PKD2L1: variants seen among roughly 807,000 people sequenced by gnomAD.
The protein encoded by PKD2L1 is polycystin-2-like protein 1.
Under a neutral mutation model 93.0 loss-of-function variants are expected in PKD2L1, and 77 were observed. The ratio of observed to expected loss-of-function variants is 0.83; its 90% CI spans 0.69 to 1.00. The LOEUF is 1.00. Ranked by LOEUF, PKD2L1 falls within the 50% of genes least tolerant of loss-of-function variation. PKD2L1 has a pLI of 0.00. For missense variants in PKD2L1, 977 were observed against 990.9 expected (o/e 0.99, Z 0.19); for synonymous variants, 390 against 388.0 (o/e 1.01, Z -0.06).
chr10:100,326,024 G>C (rs749058476), intron 2 of PKD2L1, among the ~76,000 whole-genome samples: 3 of 152,136 alleles, frequency 2.0e-5, no homozygotes, highest in Non-Finnish European at 2.9e-5. Flanking sequence ...CCACCAGATT[G>C]ACTCAGTGGC....
rs938209024 is a variant in PKD2L1, at chr10:100,329,146, A to G, written c.349+65T>C. ...ACAGATGTTGCCCACAGGAATGTTT[A>G]TACATATAGTGCACACATAGATGTT... On this transcript the variant is annotated intron_variant, in intron 2 of 15. Coordinates refer to ENST00000318222, the MANE Select transcript of PKD2L1 (RefSeq NM_016112.3). The G allele has an allele frequency of 6.7e-6, 10 of 1,499,748 alleles. No homozygotes were observed. In the Admixed American group the frequency reaches 6.8e-5, roughly 10 times the overall value. The allele number at this position is 1,499,748 out of a possible 1,614,324, so 92.9% of individuals were successfully genotyped here. A position where few individuals can be genotyped will look rare whatever the true frequency, so the allele number is the denominator to read the frequency against.
chr10:100,289,985 A>G (rs749228856), intron 14 of PKD2L1, 30 bp downstream of exon 14: 5 of 1,613,644 alleles, frequency 3.1e-6, no homozygotes, highest in East Asian at 4.5e-5. Context: ...GCTGTGAGGA[A>G]CTAGGAGGAC....
At chr10:100,298,463 A>T in intron 4 of PKD2L1, 99 bp downstream of exon 4, 1 of 1,232,146 alleles carries the variant, frequency 8.1e-7, no homozygotes, top group Non-Finnish European at 1.1e-6. Flanking sequence ...AAGAGCTCTG[A>T]GGCTCTTTAA....
At chr10:100,305,198 G>A (rs978608675) in intron 2 of PKD2L1, among the ~76,000 whole-genome samples, 16 of 149,622 alleles carry the variant, frequency 1.1e-4, no homozygotes, top group Non-Finnish European at 1.2e-4. Flanking sequence ...TGCAACCTCT[G>A]CCTCCCGGGT....
intron 9 of PKD2L1, among the ~76,000 whole-genome samples, chr10:100,294,235 C>A (rs11190458): frequency 0.11 from 17,036 of 152,068 alleles, 2,969 homozygotes; most frequent in African/African-American, 0.37. Flanking sequence ...CGGTCGTAGA[C>A]GCTTCCAGGT....
intron 2 of PKD2L1, among the ~76,000 whole-genome samples, chr10:100,320,349 G>A (rs1157437017): frequency 6.6e-6 from 1 of 152,192 alleles, no homozygotes; most frequent in African/African-American, 2.4e-5. Context: ...ATTCCAAATA[G>A]TCTTGGATTA....
chr10:100,321,699 GAA>G (rs1849237641), intron 2 of PKD2L1, among the ~76,000 whole-genome samples: 2 of 3,238 alleles, frequency 6.2e-4, no homozygotes, highest in African/African-American at 2.0e-3. Flanking sequence ...AAGAAAGAAA[GAA>G]AGAAAGAAAG....
chr10:100,297,362 A>G lies in PKD2L1; in HGVS notation c.956+20T>C. The G allele has an allele frequency of 6.3e-7, 1 of 1,599,714 alleles. No individual in the cohort carries two copies. The highest frequency in any genetic ancestry group is 8.6e-7 in the Non-Finnish European group (1 of 1,166,988). On this transcript the variant is annotated intron_variant, in intron 5 of 15. Transcript: ENST00000318222. ...CCAGGAGCCATGGACAGGGTGATAA[A>G]GTAGGGAAAGGGGGCTCACCTCAGG...
intron 2 of PKD2L1, among the ~76,000 whole-genome samples, chr10:100,328,432 C>A (rs535709339): frequency 6.6e-6 from 1 of 152,316 alleles, no homozygotes; most frequent in East Asian, 1.9e-4. Flanking sequence ...CCTCTCTTAA[C>A]AGGGATCTGA....
At chr10:100,296,034 CAAAAA>C in intron 7 of PKD2L1, 83 bp downstream of exon 7, 3 of 979,210 alleles carry the variant, frequency 3.1e-6, no homozygotes, top group Non-Finnish European at 2.8e-6. Context: ...GACTCCATCT[CAAAAA>C]AAAAAAAAAG....
intron 2 of PKD2L1, among the ~76,000 whole-genome samples, chr10:100,319,965 G>A (rs1427406767): frequency 6.6e-6 from 1 of 152,226 alleles, no homozygotes; most frequent in Non-Finnish European, 1.5e-5. Context: ...ACAAAGGGCT[G>A]GAAGCCCTTT....
chr10:100,288,281 C>T lies in PKD2L1; in HGVS notation c.*115G>A. ...GTTCATTTCCTTGCCTGATTCCCTT[C>T]AGGCTCCATTTTTATCTCCTGGTTA... On this transcript the variant is annotated 3_prime_UTR_variant, in exon 16 of 16. Coordinates refer to ENST00000318222, the MANE Select transcript of PKD2L1 (RefSeq NM_016112.3). 1 of 707,534 alleles carries T rather than the reference C, an allele frequency of 1.4e-6. No individual in the cohort carries two copies. The highest frequency in any genetic ancestry group is 2.6e-6 in the Non-Finnish European group (1 of 390,412). 43.8% of individuals were successfully genotyped at this position (707,534 alleles called of 1,614,324 possible).
chr10:100,295,148 G>C (rs1328864484), intron 7 of PKD2L1, 25 bp from the exon 8 acceptor site: 1 of 1,596,160 alleles, frequency 6.3e-7, no homozygotes, highest in African/African-American at 1.3e-5. Context: ...TTGAACCAAG[G>C]GATGAAGAAG....
At chr10:100,317,893 C>A (rs942419189) in intron 2 of PKD2L1, among the ~76,000 whole-genome samples, 1 of 152,096 alleles carries the variant, frequency 6.6e-6, no homozygotes, top group Non-Finnish European at 1.5e-5. Flanking sequence ...GCCTGGCCAA[C>A]ATGGCGAAAT....
chr10:100,294,782 A>T lies in PKD2L1; in HGVS notation c.1539-127T>A, dbSNP rs1162210435. On this transcript the variant is annotated intron_variant, in intron 8 of 15. Transcript: ENST00000318222. ...GATAGACACAGGGCAGGGTGCTTAG[A>T]TTATTTAAGCACACACACCAGGGCT... 3.5e-6 allele frequency: 5 copies of T among 1,418,620 alleles called. No individual in the cohort carries two copies. In the East Asian group the frequency reaches 1.1e-4, roughly 32 times the overall value. 87.9% of individuals were successfully genotyped at this position (1,418,620 alleles called of 1,614,324 possible). A position where few individuals can be genotyped will look rare whatever the true frequency, so the allele number is the denominator to read the frequency against.
In PKD2L1 at chr10:100,321,746, AGAAAGAAAGAAGGGAGGGAGGGAGGGAG is replaced by A. The variant is rs1849246688; in HGVS notation, c.349+7437_349+7464del. On this transcript the variant is annotated intron_variant, in intron 2 of 15. Coordinates refer to ENST00000318222, the MANE Select transcript of PKD2L1 (RefSeq NM_016112.3). ...AAGAAAGAAAGAAAGAAAGAAAGAA[AGAAAGAAAGAAGGGAGGGAGGGAGGGAG>A]GGAGGGAGGGAGGGAGGGAGGGAGG... Among the ~76,000 whole-genome samples the A allele has an allele frequency of 7.7e-4, 5 of 6,474 alleles. 1 individual carries two copies. The East Asian group carries it at 0.011, about 15-fold the overall frequency. The allele number at this position is 6,474 out of a possible 152,430, so 4.2% of individuals were successfully genotyped here.
intron 8 of PKD2L1, 31 bp from the exon 9 acceptor site, chr10:100,294,686 G>A: frequency 6.2e-7 from 1 of 1,613,452 alleles, no homozygotes; most frequent in Non-Finnish European, 8.5e-7. Context: ...TTTACCCAGA[G>A]CCTAACAAAC....
In PKD2L1 at chr10:100,290,048, C is replaced by T. The variant is rs767102959; in HGVS notation, c.2217G>A (p.Glu739=). 1.2e-6 allele frequency: 2 copies of T among 1,614,230 alleles called. No individual in the cohort carries two copies. Among genetic ancestry groups the T allele is most frequent in the South Asian group, 1.1e-5 (1 of 91,086 alleles). Residue 739 remains glutamate, a synonymous_variant, in exon 14 of 16, where the codon GAG becomes GAA. Coordinates refer to ENST00000318222, the MANE Select transcript of PKD2L1 (RefSeq NM_016112.3). ...GGGAGGGAGCCAGCCACCCCTTCCT[C>T]TCCAGCATTTTCAGCTTTGAGCCTA... ...DAVGSKLKML[E]RKGWLAPSPG...
chr10:100,296,335 A>G (rs1017770594), intron 6 of PKD2L1, 43 bp from the exon 7 acceptor site: 3 of 1,507,702 alleles, frequency 2.0e-6, no homozygotes, highest in Non-Finnish European at 2.7e-6. Flanking sequence ...AGGCAAGGGG[A>G]TCTCAAGGGA....
Sources: allele counts gnomAD v4.1 joint callset (sites outside exome capture counted in the v4.1 genomes callset), GRCh38; gene constraint gnomAD v4.1.1; transcripts MANE v1.5; gene names NCBI Gene and HGNC (gene_info 2026-07-23, HGNC 2026-07-21).